PTPRD: variants seen among roughly 807,000 people sequenced by gnomAD.
The protein encoded by PTPRD is protein tyrosine phosphatase receptor type D.
Under a neutral mutation model 214.5 loss-of-function variants are expected in PTPRD, and 34 were observed. The observed-to-expected ratio is 0.16, with a 90% CI of 0.12 to 0.21. The LOEUF is 0.21. Among genes scored for constraint, PTPRD ranks in the 10% least tolerant of loss-of-function variants. The probability of loss-of-function intolerance (pLI) is 1.00; values close to 1 mark genes in which losing one functional copy is unlikely to be tolerated. For synonymous variants in PTPRD, 1,128 were observed against 845.7 expected (o/e 1.33, Z -5.79); for missense variants, 2,545 against 2,398.7 (o/e 1.06, Z -1.27).
At chr9:9,195,261 T>C (rs2099937840) in intron 9 of PTPRD, among the ~76,000 whole-genome samples, 1 of 152,046 alleles carries the variant, frequency 6.6e-6, no homozygotes, top group South Asian at 2.1e-4. Context: ...AATTTCAGCA[T>C]GCTGTTTACA....
intron 3 of PTPRD, among the ~76,000 whole-genome samples, chr9:10,105,899 A>C (rs2098625495): frequency 1.3e-5 from 2 of 151,498 alleles, no homozygotes; most frequent in Middle Eastern, 3.4e-3. Flanking sequence ...ACTTGGAAAC[A>C]CAAAATCACC....
intron 4 of PTPRD, among the ~76,000 whole-genome samples, chr9:10,011,656 C>CA (rs2096602508): frequency 6.6e-6 from 1 of 151,720 alleles, no homozygotes; most frequent in Non-Finnish European, 1.5e-5. Context: ...GCTTATTCCT[C>CA]AAAAAAATAT....
rs112013705 is a variant in PTPRD, at chr9:10,491,815, C to T, written c.-600+120583G>A. 5.8e-3 allele frequency among the ~76,000 whole-genome samples: 875 copies of T among 151,858 alleles called. 6 individuals carry two copies. The highest frequency in any genetic ancestry group is 0.02 in the African/African-American group (844 of 41,432). On this transcript the variant is annotated intron_variant, in intron 2 of 45. Transcript: ENST00000381196. ...TGCCATGGTGGTTTGCTGCACTCATCAACCCATCATCTACATTAGGTATTT... is the reference window on the plus strand; with the variant it reads ...TGCCATGGTGGTTTGCTGCACTCATTAACCCATCATCTACATTAGGTATTT...
chr9:10,017,963 A>G (rs1320510236), intron 4 of PTPRD, among the ~76,000 whole-genome samples: 2 of 152,170 alleles, frequency 1.3e-5, no homozygotes, highest in African/African-American at 4.8e-5. Context: ...GATCTCCCCC[A>G]TGGTACATTC....
chr9:9,017,400 T>C (rs1400627283), intron 11 of PTPRD, among the ~76,000 whole-genome samples: 1 of 152,138 alleles, frequency 6.6e-6, no homozygotes, highest in Non-Finnish European at 1.5e-5. Flanking sequence ...TGCCAGCAAA[T>C]AGCAATTACA....
rs79319712 is a variant in PTPRD at position 10,434,798 on chromosome 9, T to C, written c.-599-93781A>G. Among the ~76,000 whole-genome samples, 1,294 of 152,030 alleles carry C rather than the reference T, an allele frequency of 8.5e-3. 21 individuals carry two copies. The highest frequency in any genetic ancestry group is 0.028 in the African/African-American group (1,168 of 41,524). On this transcript the variant is annotated intron_variant, in intron 2 of 45. Transcript: ENST00000381196. ...CTGTTTCGCACAATGAGAACTTTAT[T>C]ATATGCAGTTATAGTCTCTGTTTTC...
intron 17 of PTPRD, 78 bp downstream of exon 17, chr9:8,526,549 C>A: frequency 4.7e-6 from 6 of 1,287,774 alleles, no homozygotes; most frequent in African/African-American, 3.0e-5. Context: ...ACGCTGAAAA[C>A]AGGACAAAGA....
chr9:8,553,111 T>C (rs1175329166), intron 14 of PTPRD, among the ~76,000 whole-genome samples: 1 of 152,166 alleles, frequency 6.6e-6, no homozygotes, highest in Non-Finnish European at 1.5e-5. Context: ...TGGGTTAAAC[T>C]TGTTATAACC....
chr9:10,484,659 T>C (rs1201265568), intron 2 of PTPRD, among the ~76,000 whole-genome samples: 4 of 152,128 alleles, frequency 2.6e-5, no homozygotes, highest in African/African-American at 9.6e-5. Flanking sequence ...CACCTTTTCA[T>C]ATGTCTGCCA....
At chr9:9,300,627 A>G (rs914794248) in intron 9 of PTPRD, among the ~76,000 whole-genome samples, 1 of 151,794 alleles carries the variant, frequency 6.6e-6, no homozygotes, top group African/African-American at 2.4e-5. Flanking sequence ...TAAAAGGGAC[A>G]TCAGAGAGCT....
chr9:9,038,932 C>T (rs972758467), intron 10 of PTPRD, among the ~76,000 whole-genome samples: 1 of 152,196 alleles, frequency 6.6e-6, no homozygotes, highest in South Asian at 2.1e-4. Flanking sequence ...CTGAGTACCA[C>T]TTACTTTTGT....
At chr9:8,790,780 G>T (rs919080081) in intron 11 of PTPRD, among the ~76,000 whole-genome samples, 12 of 151,266 alleles carry the variant, frequency 7.9e-5, no homozygotes, top group African/African-American at 2.9e-4. Flanking sequence ...AAAAAAAAAG[G>T]GGGTAGTGAC....
rs545937984 is a variant in PTPRD, at chr9:9,666,433, T to C, written c.-287+68100A>G. Among the ~76,000 whole-genome samples the C allele has an allele frequency of 2.0e-5, 3 of 152,154 alleles. No individual in the cohort carries two copies. In the East Asian group the frequency reaches 5.8e-4, roughly 29 times the overall value. ...TCTTTCGTAGAGGAGAATGTTCAAC[T>C]TCTAAGATCTCACCTCTCTCTGGTG... is the stretch of plus-strand genomic sequence containing the variant. On this transcript the variant is annotated intron_variant, in intron 7 of 45. Transcript: ENST00000381196.
intron 2 of PTPRD, among the ~76,000 whole-genome samples, chr9:10,507,389 A>G (rs1006594193): frequency 1.3e-5 from 2 of 152,170 alleles, no homozygotes; most frequent in Non-Finnish European, 2.9e-5. Flanking sequence ...TAATTTATAG[A>G]TTCAATGCCA....
intron 7 of PTPRD, among the ~76,000 whole-genome samples, chr9:9,617,284 T>A (rs186014997): frequency 4.7e-4 from 72 of 152,314 alleles, no homozygotes; most frequent in Middle Eastern, 3.4e-3. Context: ...AATTAAAAAC[T>A]AATTCAGGTC....
At chr9:8,676,378 A>ATTTT (rs559455727) in intron 12 of PTPRD, among the ~76,000 whole-genome samples, 1 of 111,634 alleles carries the variant, frequency 9.0e-6, no homozygotes, top group Non-Finnish European at 1.9e-5. Context: ...GCTCATTTTC[A>ATTTT]TTTTTTTTTT....
intron 35 of PTPRD, among the ~76,000 whole-genome samples, chr9:8,406,931 G>A (rs1446442637): frequency 2.6e-5 from 4 of 152,158 alleles, no homozygotes; most frequent in Non-Finnish European, 5.9e-5. Flanking sequence ...TATACGTACA[G>A]TGCTCCCTCT....
chr9:9,922,484 A>G (rs572433277), intron 5 of PTPRD, among the ~76,000 whole-genome samples: 1 of 152,178 alleles, frequency 6.6e-6, no homozygotes, highest in African/African-American at 2.4e-5. Context: ...ATGAAGAGCC[A>G]CAGATCATCA....
chr9:9,139,989 T>C (rs1277741058), intron 10 of PTPRD, among the ~76,000 whole-genome samples: 2 of 152,142 alleles, frequency 1.3e-5, no homozygotes, highest in Non-Finnish European at 2.9e-5. Context: ...CTAGTATAAT[T>C]GTATATATAC....
Sources: gnomAD v4.1 joint callset for allele counts (sites outside exome capture counted in the v4.1 genomes callset) on GRCh38, gnomAD v4.1.1 for gene constraint, MANE v1.5 for transcripts, NCBI Gene and HGNC (gene_info 2026-07-23, HGNC 2026-07-21) for gene names.